The following GPBP1 variants were observed in gnomAD, a reference collection of about 807,000 sequenced individuals.
GPBP1 encodes the protein vasculin.
A neutral mutation model predicts 56.5 loss-of-function variants in GPBP1; 13 were observed. The ratio of observed to expected loss-of-function variants is 0.23; its 90% CI spans 0.15 to 0.37. The LOEUF (loss-of-function observed/expected upper bound fraction) is 0.37, where lower values mean the gene tolerates loss of function less well. GPBP1 is among the 10% of genes least tolerant of loss of function. The pLI is 1.00. For synonymous variants in GPBP1, 204 were observed against 188.9 expected (o/e 1.08, Z -0.66); for missense variants, 477 against 572.3 (o/e 0.83, Z 1.70).
At chr5:57,219,375 CAAAAAA>C (rs869152603) in intron 3 of GPBP1, among the ~76,000 whole-genome samples, 103 of 35,268 alleles carry the variant, frequency 2.9e-3, no homozygotes, top group African/African-American at 0.011. Context: ...GACTCTGTCT[CAAAAAA>C]AAAAAAAAAA....
intron 2 of GPBP1, among the ~76,000 whole-genome samples, chr5:57,190,544 A>G (rs112820714): frequency 0.013 from 1,972 of 151,706 alleles, 24 homozygotes; most frequent in Non-Finnish European, 0.019. Flanking sequence ...AGATCACGCC[A>G]CTGCACTCCA....
chr5:57,194,075 A>G (rs969565740), intron 2 of GPBP1, among the ~76,000 whole-genome samples: 1 of 152,204 alleles, frequency 6.6e-6, no homozygotes, highest in South Asian at 2.1e-4. Flanking sequence ...TTTTTACTTA[A>G]TGAACTTAGA....
rs191475138 is a variant in GPBP1, at chr5:57,207,607, G to A, written c.-57-6467G>A. On this transcript the variant is annotated intron_variant, in intron 2 of 11. Transcript: ENST00000506184. ...GCTCAGTTAGATGCCCTGCCTTATC[G>A]CAAGGACAGAGGGCTTTTTTGCCTT... Among the ~76,000 whole-genome samples the A allele has an allele frequency of 1.7e-3, 259 of 152,306 alleles. 3 individuals carry two copies. Among genetic ancestry groups the A allele is most frequent in the Admixed American group, 0.013 (203 of 15,306 alleles).
chr5:57,262,386 A>G (rs1242077299), intron 11 of GPBP1, among the ~76,000 whole-genome samples: 4 of 152,204 alleles, frequency 2.6e-5, no homozygotes, highest in African/African-American at 7.2e-5. Flanking sequence ...ACTTGAGGCA[A>G]TAAAAATGTG....
chr5:57,220,293 T>G (rs1172429047), intron 3 of GPBP1, among the ~76,000 whole-genome samples: 1 of 151,904 alleles, frequency 6.6e-6, no homozygotes, highest in East Asian at 2.0e-4. Flanking sequence ...GGCTGATAAT[T>G]GTTAACGTGC....
chr5:57,242,034 G>T (rs1260951990), intron 6 of GPBP1, among the ~76,000 whole-genome samples: 6 of 152,078 alleles, frequency 3.9e-5, no homozygotes, highest in African/African-American at 1.4e-4. Context: ...TTACTTACAG[G>T]TTATTGTTAC....
chr5:57,248,445 T>C (rs1273674592), intron 8 of GPBP1, among the ~76,000 whole-genome samples: 2 of 88,672 alleles, frequency 2.3e-5, no homozygotes, highest in East Asian at 1.4e-3. Context: ...TTTTTTTTTT[T>C]GAGACGGAGT....
At position 57,180,713 on chromosome 5, in the gene GPBP1, G is replaced by T. The variant is rs562990357; in HGVS notation, c.-58+4313G>T. Among the ~76,000 whole-genome samples the T allele has an allele frequency of 1.4e-4, 21 of 152,210 alleles. No individual in the cohort carries two copies. The South Asian group carries it at 4.4e-3, about 32-fold the overall frequency. The stretch of plus-strand genomic sequence containing the variant: ...TATATATGGAGGGTTTTTGTAAATT[G>T]TGAAGTGTAATACAGATGTAAAGAT... On this transcript the variant is annotated intron_variant, in intron 2 of 11. Coordinates refer to ENST00000506184, the MANE Select transcript of GPBP1 (RefSeq NM_022913.4).
chr5:57,220,806 C>G (rs1242807802), intron 3 of GPBP1, among the ~76,000 whole-genome samples: 1 of 151,602 alleles, frequency 6.6e-6, no homozygotes, highest in Non-Finnish European at 1.5e-5. Context: ...TTTCTTTGCC[C>G]AAAGTGGTTT....
At chr5:57,258,012 C>G (rs982871777) in intron 10 of GPBP1, among the ~76,000 whole-genome samples, 17 of 152,098 alleles carry the variant, frequency 1.1e-4, no homozygotes, top group Non-Finnish European at 4.4e-5. Context: ...AACTGTGACC[C>G]AGGTCTTCTA....
chr5:57,256,393 T>C (rs922330932), intron 10 of GPBP1, among the ~76,000 whole-genome samples: 7 of 142,972 alleles, frequency 4.9e-5, no homozygotes, highest in African/African-American at 1.7e-4. Flanking sequence ...AGTATATATG[T>C]TTTAATTTTT....
chr5:57,210,434 A>AT (rs532096131), intron 2 of GPBP1, among the ~76,000 whole-genome samples: 161 of 152,248 alleles, frequency 1.1e-3, no homozygotes, highest in African/African-American at 3.5e-3. Context: ...CTTAAAAAAA[A>AT]TTTTTTTAAG....
intron 3 of GPBP1, among the ~76,000 whole-genome samples, chr5:57,215,545 G>A (rs1755665472): frequency 6.6e-6 from 1 of 152,164 alleles, no homozygotes; most frequent in Non-Finnish European, 1.5e-5. Flanking sequence ...TAGTTTTGAG[G>A]CCCAGTCTCC....
chr5:57,202,362 C>T (rs763558748), intron 2 of GPBP1, among the ~76,000 whole-genome samples: 1 of 152,116 alleles, frequency 6.6e-6, no homozygotes, highest in Non-Finnish European at 1.5e-5. Flanking sequence ...GATCTTGGCT[C>T]GCTGCAAGCT....
At chr5:57,194,807 CTTG>C (rs1447905367) in intron 2 of GPBP1, among the ~76,000 whole-genome samples, 2 of 152,154 alleles carry the variant, frequency 1.3e-5, no homozygotes, top group Non-Finnish European at 2.9e-5. Context: ...TGGTTCCATC[CTTG>C]TTGTTGCAAA....
At position 57,264,131 on chromosome 5, in the gene GPBP1, CACTGAG is replaced by C. The variant is rs1249856370; in HGVS notation, c.*1385_*1390del. ...TGTTATTTTTTTTTGTTGTTGTTCC[CACTGAG>C]ACTGATGGTGATGGGGAAATTAAAA... On this transcript the variant is annotated 3_prime_UTR_variant, in exon 12 of 12. Transcript: ENST00000506184. 6.6e-6 allele frequency: 1 copy of C among 151,932 alleles called. No homozygotes were observed. The highest frequency in any genetic ancestry group is 1.5e-5 in the Non-Finnish European group (1 of 67,984). 9.4% of individuals were successfully genotyped at this position (151,932 alleles called of 1,614,324 possible).
intron 6 of GPBP1, among the ~76,000 whole-genome samples, chr5:57,239,526 A>C (rs1199991990): frequency 3.3e-5 from 5 of 152,208 alleles, no homozygotes; most frequent in Non-Finnish European, 7.4e-5. Context: ...CATGCCTGTA[A>C]TCCCAGCACT....
chr5:57,258,915 C>T (rs567442420), intron 10 of GPBP1, among the ~76,000 whole-genome samples: 3 of 152,256 alleles, frequency 2.0e-5, no homozygotes, highest in Non-Finnish European at 2.9e-5. Context: ...TGCTTAGTTA[C>T]GATTCAGTTT....
At chr5:57,241,838 T>A (rs566793409) in intron 6 of GPBP1, among the ~76,000 whole-genome samples, 1 of 152,330 alleles carries the variant, frequency 6.6e-6, no homozygotes, top group South Asian at 2.1e-4. Flanking sequence ...CTTCATATAA[T>A]TAACCAAGTC....
Sources: allele counts gnomAD v4.1 joint callset (sites outside exome capture counted in the v4.1 genomes callset), GRCh38; gene constraint gnomAD v4.1.1; transcripts MANE v1.5; gene names NCBI Gene and HGNC (gene_info 2026-07-23, HGNC 2026-07-21).